ABCC8: variants seen among roughly 807,000 people sequenced by gnomAD.
ABCC8 encodes ATP-binding cassette sub-family C member 8.
A neutral mutation model predicts 188.0 loss-of-function variants in ABCC8; 137 were observed. That is an observed-to-expected ratio of 0.73 (90% CI 0.63 to 0.84). ABCC8 has a LOEUF of 0.84. ABCC8 is among the 40% of genes least tolerant of loss of function. The pLI is 0.00. For synonymous variants in ABCC8, 797 were observed against 846.5 expected, an observed-to-expected ratio of 0.94 and a Z score of 1.01; for missense variants, 1,750 against 2,072.7, an observed-to-expected ratio of 0.84 and a Z score of 3.02.
chr11:17,442,889 G>A lies in ABCC8; in HGVS notation c.1468-7C>T. 2 of 1,611,154 alleles carry A rather than the reference G, an allele frequency of 1.2e-6. No individual in the cohort carries two copies. The highest frequency in any genetic ancestry group is 1.7e-4 in the Middle Eastern group (1 of 6,044). On this transcript the variant is annotated splice_region_variant and splice_polypyrimidine_tract_variant and intron_variant, in intron 9 of 38. Coordinates refer to ENST00000389817, the MANE Select transcript of ABCC8 (RefSeq NM_000352.6). The stretch of plus-strand genomic sequence containing the variant: ...GCCGCTCATTGGAATACTCCTGCAG[G>A]GGTCCCCGAGTCAGAGGGGAGAGGC...
intron 37 of ABCC8, 138 bp downstream of exon 37, chr11:17,394,128 T>C: frequency 8.5e-7 from 1 of 1,183,420 alleles, no homozygotes. Context: ...TCCCCCCAGC[T>C]CTTTTCATTT....
chr11:17,408,995 C>T (rs1327839269), intron 22 of ABCC8, among the ~76,000 whole-genome samples: 2 of 150,066 alleles, frequency 1.3e-5, no homozygotes, highest in Admixed American at 6.7e-5. Context: ...ACTCTGTTGC[C>T]TAGGCTGGGG....
At chr11:17,469,498 T>A (rs74618479) in intron 3 of ABCC8, among the ~76,000 whole-genome samples, 3,200 of 152,142 alleles carry the variant, frequency 0.021, 118 homozygotes, top group African/African-American at 0.074. Context: ...GTTGGCTGTC[T>A]CTGTGACATC....
chr11:17,432,137 A>C, intron 11 of ABCC8, 67 bp downstream of exon 11: 1 of 1,545,218 alleles, frequency 6.5e-7, no homozygotes, highest in Admixed American at 2.0e-5. Context: ...AAATCTGGGC[A>C]GCCTGTCACT....
intron 33 of ABCC8, 136 bp downstream of exon 33, chr11:17,396,780 A>G: frequency 8.9e-7 from 1 of 1,128,260 alleles, no homozygotes; most frequent in Admixed American, 2.0e-5. Context: ...CCAGGGCAGG[A>G]GACTGCGATG....
chr11:17,435,804 ATAC>A, intron 10 of ABCC8: 1 of 1,292,296 alleles, frequency 7.7e-7, no homozygotes, highest in East Asian at 2.3e-5. Context: ...TCCAGATATG[ATAC>A]ATGAGAGGGA....
At chr11:17,422,620 A>T (rs939891058) in intron 16 of ABCC8, among the ~76,000 whole-genome samples, 15 of 151,964 alleles carry the variant, frequency 9.9e-5, no homozygotes, top group African/African-American at 3.4e-4. Flanking sequence ...ATATTAATGC[A>T]CACCTCACAC....
rs71457876 is a variant in ABCC8, at chr11:17,434,984, C to CGCATGTGTGT, written c.1631-2741_1631-2740insACACACATGC. Among the ~76,000 whole-genome samples the CGCATGTGTGT allele has an allele frequency of 1.2e-3, 177 of 144,758 alleles. 1 individual carries two copies. Among genetic ancestry groups the CGCATGTGTGT allele is most frequent in the African/African-American group, 4.3e-3 (163 of 37,980 alleles). 95.0% of individuals were successfully genotyped at this position (144,758 alleles called of 152,430 possible). The stretch of plus-strand genomic sequence containing the variant: ...TAGAATCATCAGCTGCGTGTGTTCG[C>CGCATGTGTGT]GTGTGTGTGTGTGTGTGTGTGTGTG... On this transcript the variant is annotated intron_variant, in intron 10 of 38. Coordinates refer to ENST00000389817, the MANE Select transcript of ABCC8 (RefSeq NM_000352.6).
At chr11:17,447,991 T>C (rs1956604513) in intron 8 of ABCC8, among the ~76,000 whole-genome samples, 1 of 152,270 alleles carries the variant, frequency 6.6e-6, no homozygotes, top group South Asian at 2.1e-4. Context: ...CAACATATAC[T>C]ATTTGTAACT....
chr11:17,424,911 T>A lies in ABCC8; in HGVS notation c.2222+2138A>T, dbSNP rs77985437. Among the ~76,000 whole-genome samples the A allele has an allele frequency of 2.6e-3, 398 of 152,358 alleles. 2 individuals carry two copies. Among genetic ancestry groups the A allele is most frequent in the African/African-American group, 9.2e-3 (384 of 41,592 alleles). ...AAATGGGGTAACAACACTCCCCTCC[T>A]AAACTTAGTAGGAGGCTTGATGAGA... is the stretch of plus-strand genomic sequence containing the variant. On this transcript the variant is annotated intron_variant, in intron 16 of 38. Transcript: ENST00000389817.
intron 12 of ABCC8, chr11:17,430,090 C>T (rs1955776064): frequency 6.5e-6 from 1 of 154,612 alleles, no homozygotes; most frequent in African/African-American, 2.4e-5. Flanking sequence ...CAAGCCAGCC[C>T]TCCATAGAGG....
intron 8 of ABCC8, 158 bp from the exon 9 acceptor site, chr11:17,443,470 G>T: frequency 1.6e-6 from 2 of 1,226,036 alleles, no homozygotes; most frequent in Non-Finnish European, 1.1e-6. Context: ...GGAAGGAGGA[G>T]AAACAAAGCA....
chr11:17,432,732 G>T (rs1333370024), intron 10 of ABCC8, among the ~76,000 whole-genome samples: 4 of 152,194 alleles, frequency 2.6e-5, no homozygotes, highest in African/African-American at 7.2e-5. Context: ...TAGTAACTAA[G>T]GACAGCTTAA....
chr11:17,398,916 G>A, intron 29 of ABCC8: 1 of 216,702 alleles, frequency 4.6e-6, no homozygotes, highest in South Asian at 8.0e-5. Context: ...GCTCCACACA[G>A]TGGCTGGCTT....
rs1957208208 is a variant in ABCC8, at chr11:17,461,906, T to C, written c.580-81A>G. On this transcript the variant is annotated intron_variant, in intron 4 of 38. Transcript: ENST00000389817. ...ACCTTGCCCCAGCAAGGATCTGGGG[T>C]TGTGATATTCCACACTTGATCTCTA... 4.4e-6 allele frequency: 7 copies of C among 1,594,188 alleles called. No homozygotes were observed. The South Asian group carries it at 6.8e-5, about 15-fold the overall frequency.
chr11:17,402,155 G>A (rs935995751), intron 29 of ABCC8, among the ~76,000 whole-genome samples: 2 of 152,186 alleles, frequency 1.3e-5, no homozygotes, highest in African/African-American at 2.4e-5. Flanking sequence ...ATAGGTTCAA[G>A]TCTGGGCTTT....
At chr11:17,460,982 C>T (rs1161733094) in intron 5 of ABCC8, 2 of 462,710 alleles carry the variant, frequency 4.3e-6, no homozygotes, top group Non-Finnish European at 7.9e-6. Context: ...GCCACACTCA[C>T]TCATTACCAC....
rs1461602097 is a variant in ABCC8, at chr11:17,442,748, C to T, written c.1602G>A (p.Arg534=). ...AGATGGAGGTATAGATGGCAAAGGC[C>T]CTGAGGCTGGTCATCTCCTTCCTGC... The part of the protein sequence containing the change: ...TTRRKEMTSL[R]AFAIYTSISI... The change falls in exon 10 of 39, where the codon AGG becomes AGA. Residue 534 remains arginine, a synonymous_variant. Coordinates refer to ENST00000389817, the MANE Select transcript of ABCC8 (RefSeq NM_000352.6). The T allele has an allele frequency of 2.5e-6, 4 of 1,613,866 alleles. No individual in the cohort carries two copies. The highest frequency in any genetic ancestry group is 1.7e-5 in the Admixed American group (1 of 60,028).
chr11:17,399,924 C>T (rs1348211051), intron 29 of ABCC8, among the ~76,000 whole-genome samples: 1 of 152,202 alleles, frequency 6.6e-6, no homozygotes, highest in Non-Finnish European at 1.5e-5. Context: ...ACCTGGGCTG[C>T]CGTCATCACT....
Sources: allele counts gnomAD v4.1 joint callset (sites outside exome capture counted in the v4.1 genomes callset), GRCh38; gene constraint gnomAD v4.1.1; transcripts MANE v1.5; gene names NCBI Gene and HGNC (gene_info 2026-07-23, HGNC 2026-07-21).